COL21A1: variants seen among roughly 807,000 people sequenced by gnomAD.
The protein encoded by COL21A1 is collagen type XXI alpha 1 chain.
A neutral mutation model predicts 137.9 loss-of-function variants in COL21A1; 149 were observed. That is an observed-to-expected ratio of 1.08 (90% CI 0.95 to 1.24). The LOEUF (loss-of-function observed/expected upper bound fraction) is 1.24. Ranked by LOEUF, COL21A1 falls within the 50% of genes most tolerant of loss-of-function variation. The probability of loss-of-function intolerance (pLI) is 0.00; values close to 1 mark genes in which losing one functional copy is unlikely to be tolerated. For synonymous variants in COL21A1, 456 were observed against 391.5 expected (o/e 1.16, Z -1.95); for missense variants, 1,167 against 1,158.4 (o/e 1.01, Z -0.11).
intron 1 of COL21A1, among the ~76,000 whole-genome samples, chr6:56,240,679 A>G (rs1404543733): frequency 6.6e-6 from 1 of 152,174 alleles, no homozygotes; most frequent in East Asian, 1.9e-4. Context: ...ACAAATGGCA[A>G]AATGAAAGAG....
chr6:56,181,726 G>C (rs1237215342), intron 2 of COL21A1, among the ~76,000 whole-genome samples: 1 of 152,080 alleles, frequency 6.6e-6, no homozygotes, highest in African/African-American at 2.4e-5. Context: ...CATAGAAAAG[G>C]AATGGGACTG....
intron 2 of COL21A1, 139 bp from the exon 3 acceptor site, chr6:56,180,268 G>T (rs1248152357): frequency 2.7e-6 from 2 of 730,820 alleles, no homozygotes; most frequent in Non-Finnish European, 4.3e-6. Flanking sequence ...TTAGCTTAAT[G>T]CTAACGTGAA....
At chr6:56,277,385 A>T (rs1318701143) in intron 1 of COL21A1, among the ~76,000 whole-genome samples, 2 of 152,144 alleles carry the variant, frequency 1.3e-5, no homozygotes, top group Admixed American at 1.3e-4. Context: ...ATGAGTGAGA[A>T]TATGTGGTGT....
rs187075849 is a variant in COL21A1 at position 56,176,930 on chromosome 6, G to A, written c.640+2648C>T. Among the ~76,000 whole-genome samples the A allele has an allele frequency of 2.2e-4, 32 of 147,410 alleles. No homozygotes were observed. In the East Asian group the frequency reaches 6.1e-3, roughly 28 times the overall value. Reference sequence around the variant, plus strand: ...GGGGAGGAAGGGGGAGGAAGGGGGAGGAGGAAGGAGGAGGAGGGAGGAGGA... The same window carrying A: ...GGGGAGGAAGGGGGAGGAAGGGGGAAGAGGAAGGAGGAGGAGGGAGGAGGA... On this transcript the variant is annotated intron_variant, in intron 3 of 29. Transcript: ENST00000244728.
intron 10 of COL21A1, among the ~76,000 whole-genome samples, chr6:56,149,726 C>T (rs1196469076): frequency 6.6e-6 from 1 of 151,894 alleles, no homozygotes; most frequent in Non-Finnish European, 1.5e-5. Context: ...GTCCTGTTAG[C>T]TCTAACTTCA....
At chr6:56,139,339 A>G (rs1177024257) in intron 12 of COL21A1, among the ~76,000 whole-genome samples, 1 of 152,152 alleles carries the variant, frequency 6.6e-6, no homozygotes, top group Non-Finnish European at 1.5e-5. Context: ...TATGGCTTCC[A>G]CTTTCCAGAT....
intron 1 of COL21A1, among the ~76,000 whole-genome samples, chr6:56,348,760 C>T (rs1213179957): frequency 6.6e-6 from 1 of 152,226 alleles, no homozygotes; most frequent in Non-Finnish European, 1.5e-5. Context: ...GATTAGATAA[C>T]AGGGCAATTG....
chr6:56,151,946 C>T (rs995019131), intron 10 of COL21A1, among the ~76,000 whole-genome samples: 9 of 152,054 alleles, frequency 5.9e-5, no homozygotes, highest in African/African-American at 1.2e-4. Flanking sequence ...GGAGACACTG[C>T]GGGGAGGGGC....
At chr6:56,151,797 T>C (rs979048863) in intron 10 of COL21A1, among the ~76,000 whole-genome samples, 1 of 152,156 alleles carries the variant, frequency 6.6e-6, no homozygotes, top group Non-Finnish European at 1.5e-5. Context: ...CACCCACACC[T>C]ACCCACTCCC....
At chr6:56,113,317 G>A (rs1248446786) in intron 16 of COL21A1, among the ~76,000 whole-genome samples, 1 of 152,200 alleles carries the variant, frequency 6.6e-6, no homozygotes, top group Non-Finnish European at 1.5e-5. Flanking sequence ...GAGGAGAGGA[G>A]AGGAAAGAGT....
chr6:56,267,767 A>AG (rs1347304645), intron 1 of COL21A1, among the ~76,000 whole-genome samples: 1 of 129,720 alleles, frequency 7.7e-6, no homozygotes, highest in Non-Finnish European at 1.6e-5. Context: ...AAAAAAAAAA[A>AG]AAAAAGAAGA....
chr6:56,176,679 GGGAA>G (rs1777497792), intron 3 of COL21A1, among the ~76,000 whole-genome samples: 1 of 150,864 alleles, frequency 6.6e-6, no homozygotes, highest in South Asian at 2.1e-4. Flanking sequence ...GAAGGAGGGA[GGGAA>G]GGAAGGAGGG....
intron 1 of COL21A1, among the ~76,000 whole-genome samples, chr6:56,300,655 C>G (rs753911654): frequency 1.3e-5 from 2 of 152,106 alleles, no homozygotes; most frequent in African/African-American, 4.8e-5. Flanking sequence ...GACTTAATTT[C>G]CAAAGAACCA....
chr6:56,324,959 T>C (rs1235335840), intron 1 of COL21A1, among the ~76,000 whole-genome samples: 1 of 151,782 alleles, frequency 6.6e-6, no homozygotes, highest in East Asian at 1.9e-4. Context: ...TCTCTGAAGA[T>C]GAAGGGTCAC....
At chr6:56,306,321 A>T (rs1054827873) in intron 1 of COL21A1, among the ~76,000 whole-genome samples, 1 of 150,424 alleles carries the variant, frequency 6.6e-6, no homozygotes, top group Non-Finnish European at 1.5e-5. Flanking sequence ...TATCCTGCAG[A>T]GTGTTTTCCA....
At chr6:56,111,874 CA>C (rs934989314) in intron 16 of COL21A1, among the ~76,000 whole-genome samples, 18 of 139,014 alleles carry the variant, frequency 1.3e-4, no homozygotes, top group African/African-American at 2.4e-4. Context: ...GACTCTGTCT[CA>C]AAAAAAAAAG....
intron 1 of COL21A1, among the ~76,000 whole-genome samples, chr6:56,294,868 A>T (rs1387447295): frequency 6.6e-6 from 1 of 152,034 alleles, no homozygotes; most frequent in Admixed American, 6.6e-5. Context: ...TGGTGGCAGA[A>T]ATTTTTTTCC....
intron 1 of COL21A1, among the ~76,000 whole-genome samples, chr6:56,361,765 C>CAT (rs1554185500): frequency 6.6e-6 from 1 of 151,186 alleles, no homozygotes; most frequent in Non-Finnish European, 1.5e-5. Context: ...TGTGCGTGTG[C>CAT]GTGTGTGTGT....
chr6:56,061,429 T>C (rs1203428244), intron 25 of COL21A1, among the ~76,000 whole-genome samples: 1 of 152,170 alleles, frequency 6.6e-6, no homozygotes, highest in Admixed American at 6.6e-5. Context: ...GCTCCAAGTC[T>C]GGAAGAAAAA....
Sources: allele counts gnomAD v4.1 joint callset (sites outside exome capture counted in the v4.1 genomes callset), GRCh38; gene constraint gnomAD v4.1.1; transcripts MANE v1.5; gene names NCBI Gene and HGNC (gene_info 2026-07-23, HGNC 2026-07-21).